Variants in DPF2 observed in about 807,000 individuals in gnomAD.
DPF2 encodes double PHD fingers 2.
A neutral mutation model predicts 59.6 loss-of-function variants in DPF2; 10 were observed. The ratio of observed to expected loss-of-function variants is 0.17; its 90% CI spans 0.10 to 0.28. The LOEUF is 0.28. Ranked by LOEUF, DPF2 falls within the 10% of genes least tolerant of loss-of-function variation. The pLI, the probability that DPF2 is intolerant of heterozygous loss-of-function variation, is 1.00. For synonymous variants in DPF2, 189 were observed against 190.6 expected (o/e 0.99, Z 0.07); for missense variants, 315 against 509.4 (o/e 0.62, Z 3.67).
At chr11:65,339,842 G>A (rs1004778945) in intron 1 of DPF2, among the ~76,000 whole-genome samples, 1 of 152,096 alleles carries the variant, frequency 6.6e-6, no homozygotes, top group African/African-American at 2.4e-5. Context: ...CCTTCTTATG[G>A]CTAAGTAGAA....
At chr11:65,335,436 G>A (rs1950082870) in intron 1 of DPF2, among the ~76,000 whole-genome samples, 1 of 152,142 alleles carries the variant, frequency 6.6e-6, no homozygotes, top group African/African-American at 2.4e-5. Context: ...GAGGTTCTTC[G>A]TGTTGGAAGA....
intron 3 of DPF2, 71 bp downstream of exon 3, chr11:65,341,144 A>G: frequency 6.6e-7 from 1 of 1,511,484 alleles, no homozygotes; most frequent in Non-Finnish European, 9.1e-7. Context: ...ACTGTGATAT[A>G]CCAGGCCCAG....
Position 65,340,929 on chromosome 11 carries a change from G to T in DPF2, c.194-37G>T, listed in dbSNP as rs776097797. 11 of 1,600,266 alleles carry T rather than the reference G, an allele frequency of 6.9e-6. No individual in the cohort carries two copies. The South Asian group carries it at 1.1e-4, about 16-fold the overall frequency. On this transcript the variant is annotated intron_variant, in intron 2 of 10. Transcript: ENST00000528416. ...TGTTTGGTATTACTTTCTAATACTGGGTTAGGGCCTGACTTCTATCTTTCT... is the reference window on the plus strand; with the variant it reads ...TGTTTGGTATTACTTTCTAATACTGTGTTAGGGCCTGACTTCTATCTTTCT...
chr11:65,344,035 C>G lies in DPF2; in HGVS notation c.603C>G (p.Ile201Met), dbSNP rs1192572729. The G allele has an allele frequency of 1.2e-6, 2 of 1,614,100 alleles. No homozygotes were observed. Among genetic ancestry groups the G allele is most frequent in the African/African-American group, 2.7e-5 (2 of 74,926 alleles). ...GSARKKLDASILEDRDKPYAC... is the reference protein window; with the variant it reads ...GSARKKLDASMLEDRDKPYAC... ...CCCGTAAGAAGCTGGATGCTTCCAT[C>G]CTGGAGGACCGGGATAAGCCCTATG... Residue 201 changes from isoleucine to methionine, a missense_variant, in exon 6 of 11, where the codon ATC (isoleucine) becomes ATG (methionine). Transcript: ENST00000528416.
intron 9 of DPF2, chr11:65,348,227 G>A (rs1265435600): frequency 6.6e-6 from 1 of 152,040 alleles, no homozygotes; most frequent in Non-Finnish European, 1.5e-5. Context: ...TGAGGCTGCA[G>A]TGAGCCATGA....
chr11:65,337,472 AAAATAT>A (rs1250801263), intron 1 of DPF2, among the ~76,000 whole-genome samples: 18 of 50,698 alleles, frequency 3.6e-4, no homozygotes, highest in East Asian at 1.2e-3. Context: ...AAAAAAAAAA[AAAATAT>A]ATATATATAT....
At chr11:65,342,735 G>C (rs961440247) in intron 4 of DPF2, among the ~76,000 whole-genome samples, 2 of 152,064 alleles carry the variant, frequency 1.3e-5, no homozygotes, top group Non-Finnish European at 2.9e-5. Flanking sequence ...CCCATGGGTC[G>C]GGCACGGTAG....
intron 1 of DPF2, among the ~76,000 whole-genome samples, chr11:65,334,622 C>G (rs185271980): frequency 4.0e-4 from 61 of 152,290 alleles, no homozygotes; most frequent in African/African-American, 1.2e-3. Context: ...TTATACGATA[C>G]CATTGTGCTG....
intron 6 of DPF2, 39 bp from the exon 7 acceptor site, chr11:65,345,627 T>C (rs1300365395): frequency 6.2e-7 from 1 of 1,611,694 alleles, no homozygotes; most frequent in African/African-American, 1.3e-5. Context: ...GGCACTCTTG[T>C]ATCCTAACAC....
rs146460934 is a variant in DPF2, at chr11:65,353,434, A to G, written c.*1675A>G. The stretch of plus-strand genomic sequence containing the variant: ...ATGACATCACCATGGGACACACACA[A>G]AAGTTCTTGCAGGAGCAGGGTCTGT... On this transcript the variant is annotated 3_prime_UTR_variant, in exon 11 of 11. Coordinates refer to ENST00000528416, the MANE Select transcript of DPF2 (RefSeq NM_006268.5). Among the ~76,000 whole-genome samples the G allele has an allele frequency of 1.2e-3, 177 of 152,326 alleles. 1 individual carries two copies. In the East Asian group the frequency reaches 0.02, roughly 17 times the overall value.
Position 65,344,070 on chromosome 11 carries a change from G to A in DPF2, c.637+1G>A. On this transcript the variant is annotated splice_donor_variant, in intron 6 of 10. Coordinates refer to ENST00000528416, the MANE Select transcript of DPF2 (RefSeq NM_006268.5). LOFTEE classifies it high-confidence loss of function. ...CGGGATAAGCCCTATGCCTGTGACA[G>A]TGAGTGCCTCACAAGTGGGTGGGTA... The A allele has an allele frequency of 6.2e-7, 1 of 1,614,142 alleles. No individual in the cohort carries two copies.
At chr11:65,341,734 T>C in intron 4 of DPF2, 172 bp downstream of exon 4, 1 of 807,346 alleles carries the variant, frequency 1.2e-6, no homozygotes, top group Non-Finnish European at 1.9e-6. Context: ...CTGGCTTCTC[T>C]GTTGCTTCTA....
rs1854776977 is a variant in DPF2, at chr11:65,353,226, A to G, written c.*1467A>G. The G allele has an allele frequency of 1.3e-5, 2 of 152,180 alleles. No individual in the cohort carries two copies. Among genetic ancestry groups the G allele is most frequent in the Non-Finnish European group, 2.9e-5 (2 of 68,038 alleles). The allele number at this position is 152,180 out of a possible 1,614,324, so 9.4% of individuals were successfully genotyped here. A position where few individuals can be genotyped will look rare whatever the true frequency, so the allele number is the denominator to read the frequency against. ...AAGAACAATGAAGCTGTTTTGATCAATACAAAATTTGGGTTAAAATCAACT... is the reference window on the plus strand; with the variant it reads ...AAGAACAATGAAGCTGTTTTGATCAGTACAAAATTTGGGTTAAAATCAACT... On this transcript the variant is annotated 3_prime_UTR_variant, in exon 11 of 11. Transcript: ENST00000528416.
chr11:65,336,370 T>C (rs572194462), intron 1 of DPF2, among the ~76,000 whole-genome samples: 4 of 151,704 alleles, frequency 2.6e-5, no homozygotes, highest in Non-Finnish European at 4.4e-5. Flanking sequence ...CGCACACCTG[T>C]AGTCCCAGCT....
Position 65,346,063 on chromosome 11 carries a change from T to A in DPF2, c.904+5T>A. On this transcript the variant is annotated splice_donor_5th_base_variant and intron_variant, in intron 8 of 10. Coordinates refer to ENST00000528416, the MANE Select transcript of DPF2 (RefSeq NM_006268.5). ...GTTCTGACTGTGGCCGCTCAGGTAC[T>A]GCTTCCCGTGAAGGCTGCTGCTTTG... The A allele has an allele frequency of 1.2e-6, 2 of 1,614,172 alleles. No individual in the cohort carries two copies. Among genetic ancestry groups the A allele is most frequent in the Non-Finnish European group, 1.7e-6 (2 of 1,180,016 alleles).
rs1158822749 is a variant in DPF2 at position 65,337,421 on chromosome 11, CT to C, written c.33-2963del. Among the ~76,000 whole-genome samples the C allele has an allele frequency of 3.2e-4, 39 of 122,968 alleles. 1 individual carries two copies. In the Admixed American group the frequency reaches 3.4e-3, roughly 11 times the overall value. 80.7% of individuals were successfully genotyped at this position (122,968 alleles called of 152,430 possible). A position where few individuals can be genotyped will look rare whatever the true frequency, so the allele number is the denominator to read the frequency against. ...TGAGCCGAGATTGCACCACTGCATT[CT>C]AACCTGGGCGGCAAAGCAAGACTCT... On this transcript the variant is annotated intron_variant, in intron 1 of 10. Transcript: ENST00000528416.
chr11:65,348,853 C>A lies in DPF2; in HGVS notation c.1021C>A (p.Gln341Lys). The A allele has an allele frequency of 6.2e-7, 1 of 1,614,106 alleles. No individual in the cohort carries two copies. The highest frequency in any genetic ancestry group is 2.2e-5 in the East Asian group (1 of 44,872). The change falls in exon 10 of 11, where the codon CAG becomes AAG. Residue 341 changes from glutamine to lysine, a missense_variant. Gln to Lys is a moderately conservative substitution (Grantham distance 53). This residue lies in a region of DPF2 where 27 missense variants were observed against 125.8 expected (regional missense o/e 0.21). Coordinates refer to ENST00000528416, the MANE Select transcript of DPF2 (RefSeq NM_006268.5). ...TCTTCCCTCTTGCCTACTTCAGGAC[C>A]AGTTGCTCTTCTGTGATGACTGCGA... ...NICGTSENDD[Q>K]LLFCDDCDRG...
At chr11:65,340,572 G>T (rs771613787) in intron 2 of DPF2, 27 bp downstream of exon 2, 3 of 1,612,536 alleles carry the variant, frequency 1.9e-6, no homozygotes, top group East Asian at 4.5e-5. Context: ...GGGAGAAGGG[G>T]ACTCAGGAGC....
At chr11:65,348,484 G>A in intron 9 of DPF2, 1 of 190,040 alleles carries the variant, frequency 5.3e-6, no homozygotes, top group South Asian at 1.2e-4. Flanking sequence ...GAGAGGCTGA[G>A]GTAGGAGGAT....
Sources: gnomAD v4.1 joint callset for allele counts (sites outside exome capture counted in the v4.1 genomes callset) on GRCh38, gnomAD v4.1.1 for gene constraint, gnomAD v4.1.1 regional missense constraint, MANE v1.5 for transcripts, NCBI Gene and HGNC (gene_info 2026-07-23, HGNC 2026-07-21) for gene names.